UTS2: variants seen among roughly 807,000 people sequenced by gnomAD.
UTS2 encodes urotensin 2.
UTS2 carries 10 observed loss-of-function variants against 12.6 expected under a neutral mutation model. The observed-to-expected ratio is 0.80, with a 90% CI of 0.49 to 1.35. UTS2 has a LOEUF of 1.35. Among genes scored for constraint, UTS2 ranks in the 40% most tolerant of loss-of-function variants. The pLI is 0.00. For missense variants in UTS2, 142 were observed against 143.2 expected, an observed-to-expected ratio of 0.99 and a Z score of 0.04; for synonymous variants, 52 against 50.0, an observed-to-expected ratio of 1.04 and a Z score of -0.17.
the UTS2 span, among the ~76,000 whole-genome samples, chr1:7,908,380 TG>T: frequency 6.8e-6 from 1 of 147,266 alleles, no homozygotes; most frequent in Admixed American, 6.8e-5. Flanking sequence ...GCAGGAGAAT[TG>T]CCTGAACCTG....
the UTS2 span, among the ~76,000 whole-genome samples, chr1:7,860,574 T>C: frequency 2.0e-5 from 3 of 152,038 alleles, no homozygotes; most frequent in Non-Finnish European, 4.4e-5. Flanking sequence ...TTATTTCTAT[T>C]ATTATTATTT....
the UTS2 span, among the ~76,000 whole-genome samples, chr1:7,875,358 G>A: frequency 6.6e-6 from 1 of 152,236 alleles, no homozygotes; most frequent in Non-Finnish European, 1.5e-5. Flanking sequence ...ACAGGCGTGA[G>A]TCACGGCGCC....
chr1:7,903,681 G>A, the UTS2 span, among the ~76,000 whole-genome samples: 310 of 151,916 alleles, frequency 2.0e-3, no homozygotes, highest in African/African-American at 7.2e-3. Context: ...TGAGCACCAC[G>A]TCCGGCCTAT....
the UTS2 span, among the ~76,000 whole-genome samples, chr1:7,876,890 G>A: frequency 0.23 from 34,685 of 151,918 alleles, 4,659 homozygotes; most frequent in African/African-American, 0.35. Context: ...CCAGCACTTT[G>A]GGAGACCGAG....
chr1:7,857,417 T>C (rs1638335632), upstream of UTS2, among the ~76,000 whole-genome samples: 1 of 151,926 alleles, frequency 6.6e-6, no homozygotes, highest in Non-Finnish European at 1.5e-5. Context: ...ACCAAAAGAT[T>C]ATAAAAACTT....
chr1:7,881,447 T>A, the UTS2 span, among the ~76,000 whole-genome samples: 3 of 152,156 alleles, frequency 2.0e-5, no homozygotes, highest in African/African-American at 7.2e-5. Context: ...TTGCAGTATA[T>A]AAAACCAACA....
chr1:7,852,838 A>G (rs2097415433), intron 1 of UTS2, 63 bp downstream of exon 1: 1 of 1,524,054 alleles, frequency 6.6e-7, no homozygotes, highest in African/African-American at 1.4e-5. Flanking sequence ...TATCTCTAAC[A>G]TTGAATTTAA....
chr1:7,848,645 G>C (rs757217410), intron 3 of UTS2, among the ~76,000 whole-genome samples: 1 of 151,612 alleles, frequency 6.6e-6, no homozygotes, highest in Non-Finnish European at 1.5e-5. Context: ...CCAGCCTCCC[G>C]AATAGCTGGG....
At chr1:7,888,831 G>A in the UTS2 span, among the ~76,000 whole-genome samples, 20 of 152,186 alleles carry the variant, frequency 1.3e-4, 1 homozygote, top group African/African-American at 2.4e-5. Flanking sequence ...CATTTTGAGA[G>A]TTGTCTTGTG....
the UTS2 span, among the ~76,000 whole-genome samples, chr1:7,881,867 T>C: frequency 1.6e-4 from 24 of 152,178 alleles, no homozygotes; most frequent in African/African-American, 5.1e-4. Flanking sequence ...TCATATTACC[T>C]GACTTCAAAA....
the UTS2 span, among the ~76,000 whole-genome samples, chr1:7,899,161 G>A: frequency 4.6e-5 from 7 of 151,982 alleles, no homozygotes; most frequent in African/African-American, 1.5e-4. Flanking sequence ...AACAGCATCC[G>A]CCCCATGACC....
At chr1:7,890,971 C>T in the UTS2 span, among the ~76,000 whole-genome samples, 1 of 151,048 alleles carries the variant, frequency 6.6e-6, no homozygotes, top group African/African-American at 2.4e-5. Context: ...CCCTCCACCC[C>T]CCCCCACAAA....
the UTS2 span, among the ~76,000 whole-genome samples, chr1:7,898,938 T>C: frequency 2.0e-5 from 3 of 152,104 alleles, no homozygotes; most frequent in Admixed American, 6.6e-5. Flanking sequence ...GACTGGGTAA[T>C]TTATAAAGAA....
intron 1 of UTS2, among the ~76,000 whole-genome samples, chr1:7,851,355 G>A (rs2097413978): frequency 6.6e-6 from 1 of 152,214 alleles, no homozygotes; most frequent in Non-Finnish European, 1.5e-5. Context: ...TATAAAGCCA[G>A]TAGGATGGTA....
chr1:7,869,498 G>C, the UTS2 span, among the ~76,000 whole-genome samples: 1 of 152,218 alleles, frequency 6.6e-6, no homozygotes, highest in Admixed American at 6.5e-5. Flanking sequence ...TTTATAACAT[G>C]CTTTGAAAAA....
chr1:7,888,333 C>T, the UTS2 span, among the ~76,000 whole-genome samples: 1 of 152,134 alleles, frequency 6.6e-6, no homozygotes. Flanking sequence ...TTCCTCCTCC[C>T]CATCCCTCAG....
chr1:7,895,356 C>T, the UTS2 span, among the ~76,000 whole-genome samples: 56 of 149,898 alleles, frequency 3.7e-4, no homozygotes, highest in Middle Eastern at 0.01. Context: ...GTGATAAGAG[C>T]GAGACTCCAT....
the UTS2 span, among the ~76,000 whole-genome samples, chr1:7,906,991 C>T: frequency 1.3e-5 from 2 of 152,164 alleles, no homozygotes; most frequent in Admixed American, 1.3e-4. Context: ...TGGCTCACGC[C>T]TGTAATCCCA....
chr1:7,906,490 A>AGAAAGAAG, the UTS2 span, among the ~76,000 whole-genome samples: 2 of 145,480 alleles, frequency 1.4e-5, no homozygotes, highest in Admixed American at 1.4e-4. Context: ...AAAGAAAGAA[A>AGAAAGAAG]GAAAGAAAGA....
Sources: allele counts gnomAD v4.1 joint callset (sites outside exome capture counted in the v4.1 genomes callset), GRCh38; gene constraint gnomAD v4.1.1; transcripts MANE v1.5; gene names NCBI Gene and HGNC (gene_info 2026-07-23, HGNC 2026-07-21).